DLG2: variants seen among roughly 807,000 people sequenced by gnomAD.
DLG2 encodes disks large homolog 2.
A neutral mutation model predicts 132.5 loss-of-function variants in DLG2; 45 were observed. The observed-to-expected ratio is 0.34, with a 90% CI of 0.27 to 0.44. The LOEUF is 0.44. DLG2 is among the 20% of genes least tolerant of loss of function. DLG2 has a pLI of 1.00. For missense variants in DLG2, 1,045 were observed against 1,196.9 expected (o/e 0.87, Z 1.87); for synonymous variants, 424 against 419.6 (o/e 1.01, Z -0.13).
At chr11:84,354,376 T>G (rs1056499666) in intron 7 of DLG2, among the ~76,000 whole-genome samples, 1 of 152,150 alleles carries the variant, frequency 6.6e-6, no homozygotes, top group African/African-American at 2.4e-5. Flanking sequence ...AAATTTAAAC[T>G]AAAAAATTCT....
At chr11:85,469,289 T>TC (rs2092908944) in intron 3 of DLG2, 1 of 152,244 alleles carries the variant, frequency 6.6e-6, no homozygotes, top group Admixed American at 6.5e-5. Context: ...TCCTACTCAT[T>TC]CCAACTCTGG....
chr11:84,964,788 G>C (rs1046532700), intron 6 of DLG2, among the ~76,000 whole-genome samples: 9 of 152,094 alleles, frequency 5.9e-5, no homozygotes, highest in Admixed American at 1.3e-4. Flanking sequence ...GCAGCTACAG[G>C]AGCCTACCCC....
intron 3 of DLG2, among the ~76,000 whole-genome samples, chr11:85,341,559 T>C (rs2082504902): frequency 1.3e-5 from 2 of 152,218 alleles, no homozygotes; most frequent in South Asian, 4.1e-4. Context: ...TTAATAGTAG[T>C]GAAGATAGTT....
chr11:84,208,958 C>T (rs2096714690), intron 8 of DLG2, among the ~76,000 whole-genome samples: 1 of 152,042 alleles, frequency 6.6e-6, no homozygotes, highest in African/African-American at 2.4e-5. Context: ...TCAATATGAA[C>T]TCATGTTTAA....
intron 8 of DLG2, among the ~76,000 whole-genome samples, chr11:84,178,829 A>T (rs1429401516): frequency 1.3e-5 from 2 of 152,190 alleles, no homozygotes; most frequent in African/African-American, 4.8e-5. Flanking sequence ...ATGTGACTAA[A>T]TGTTAGTTTT....
intron 3 of DLG2, among the ~76,000 whole-genome samples, chr11:85,389,080 G>A (rs991884746): frequency 6.8e-6 from 1 of 147,984 alleles, no homozygotes; most frequent in African/African-American, 2.5e-5. Flanking sequence ...GAAAGGTGAA[G>A]TCCAAATAAA....
chr11:83,981,342 T>G (rs1005186980), intron 11 of DLG2, among the ~76,000 whole-genome samples: 3 of 152,006 alleles, frequency 2.0e-5, no homozygotes, highest in African/African-American at 7.2e-5. Flanking sequence ...CACAAAAAAG[T>G]GAATTATTCC....
chr11:83,576,456 G>T (rs969986272), intron 19 of DLG2, among the ~76,000 whole-genome samples: 1 of 151,964 alleles, frequency 6.6e-6, no homozygotes, highest in Non-Finnish European at 1.5e-5. Flanking sequence ...AACATAAAGA[G>T]AAACACACCA....
intron 16 of DLG2, among the ~76,000 whole-genome samples, chr11:83,851,897 T>C (rs1258396518): frequency 6.9e-6 from 1 of 144,484 alleles, no homozygotes; most frequent in African/African-American, 2.6e-5. Flanking sequence ...CCAGCCTGGG[T>C]GACAGAGCGA....
chr11:84,667,034 C>T (rs1342731569), intron 6 of DLG2, among the ~76,000 whole-genome samples: 1 of 152,028 alleles, frequency 6.6e-6, no homozygotes, highest in Non-Finnish European at 1.5e-5. Flanking sequence ...ATTAGTCTAT[C>T]TTGTATGACT....
Position 83,671,518 on chromosome 11 carries a change from A to G in DLG2, c.1826-38193T>C, listed in dbSNP as rs2076819937. ...GTGATAAGATCCACCAAAACAGATA[A>G]TTATCATATAATAAGATAAATGTAG... is the stretch of plus-strand genomic sequence containing the variant. On this transcript the variant is annotated intron_variant, in intron 18 of 27. Coordinates refer to ENST00000376104, the MANE Select transcript of DLG2 (RefSeq NM_001142699.3). Among the ~76,000 whole-genome samples, 4 of 152,366 alleles carry G rather than the reference A, an allele frequency of 2.6e-5. No homozygotes were observed. The South Asian group carries it at 8.3e-4, about 32-fold the overall frequency.
At chr11:83,590,441 A>T (rs925507234) in intron 19 of DLG2, among the ~76,000 whole-genome samples, 1 of 152,178 alleles carries the variant, frequency 6.6e-6, no homozygotes, top group African/African-American at 2.4e-5. Flanking sequence ...TTTGAAACCA[A>T]TGAGAACAAA....
rs1365389170 is a variant in DLG2 at position 83,601,507 on chromosome 11, G to GTTTTTTT, written c.1940+31703_1940+31704insAAAAAAA. ...TTACAGCTGCAAAGTAATATGTGAT[G>GTTTTTTT]TTCTTTTTTTTTTTTTTTTTTTTTG... On this transcript the variant is annotated intron_variant, in intron 19 of 27. Transcript: ENST00000376104. Among the ~76,000 whole-genome samples the GTTTTTTT allele has an allele frequency of 1.5e-3, 75 of 51,306 alleles. 1 individual carries two copies. The highest frequency in any genetic ancestry group is 2.2e-3 in the Admixed American group (7 of 3,218). The allele number at this position is 51,306 out of a possible 152,430, so 33.7% of individuals were successfully genotyped here. A position where few individuals can be genotyped will look rare whatever the true frequency, so the allele number is the denominator to read the frequency against.
intron 8 of DLG2, chr11:84,167,140 T>C (rs12801364): frequency 0.038 from 15,147 of 394,472 alleles, 421 homozygotes; most frequent in Non-Finnish European, 0.054. Flanking sequence ...TTTTCAGTGT[T>C]TGAAAAATGT....
At chr11:83,985,014 G>T (rs1320193839) in intron 11 of DLG2, among the ~76,000 whole-genome samples, 3 of 152,116 alleles carry the variant, frequency 2.0e-5, no homozygotes, top group African/African-American at 7.2e-5. Context: ...ATGAGTGAGT[G>T]TAGTTGAAAC....
chr11:84,915,342 G>A (rs1018079070), intron 6 of DLG2, among the ~76,000 whole-genome samples: 3 of 152,090 alleles, frequency 2.0e-5, no homozygotes, highest in African/African-American at 7.3e-5. Context: ...TTAAAAGTTG[G>A]AACGGAAAAT....
chr11:84,971,207 G>A (rs2054052010), intron 6 of DLG2, among the ~76,000 whole-genome samples: 1 of 152,156 alleles, frequency 6.6e-6, no homozygotes, highest in South Asian at 2.1e-4. Flanking sequence ...GCGAAAAAAT[G>A]TGTCCTTTGT....
At chr11:83,584,033 T>C (rs910411408) in intron 19 of DLG2, among the ~76,000 whole-genome samples, 1 of 152,200 alleles carries the variant, frequency 6.6e-6, no homozygotes, top group Admixed American at 6.5e-5. Flanking sequence ...CCAGGCTTAG[T>C]CTTCTGATTC....
At chr11:85,214,462 C>G (rs563869993) in intron 4 of DLG2, among the ~76,000 whole-genome samples, 11 of 152,260 alleles carry the variant, frequency 7.2e-5, no homozygotes, top group Admixed American at 5.9e-4. Context: ...TCTCCCTACA[C>G]GTCCCTGCCC....
Sources: allele counts gnomAD v4.1 joint callset (sites outside exome capture counted in the v4.1 genomes callset), GRCh38; gene constraint gnomAD v4.1.1; transcripts MANE v1.5; gene names NCBI Gene and HGNC (gene_info 2026-07-23, HGNC 2026-07-21).